Variants in ANKS1B observed in about 807,000 individuals in gnomAD.
The protein encoded by ANKS1B is ankyrin repeat and sterile alpha motif domain-containing protein 1B.
ANKS1B carries 36 observed loss-of-function variants against 148.3 expected under a neutral mutation model. The observed-to-expected ratio is 0.24, with a 90% CI of 0.19 to 0.32. ANKS1B has a LOEUF of 0.32. Ranked by LOEUF, ANKS1B falls within the 10% of genes least tolerant of loss-of-function variation. ANKS1B has a pLI of 1.00. For missense variants in ANKS1B, 1,157 were observed against 1,542.6 expected (o/e 0.75, Z 4.19); for synonymous variants, 542 against 560.8 (o/e 0.97, Z 0.47).
intron 14 of ANKS1B, among the ~76,000 whole-genome samples, chr12:99,186,670 A>G (rs570685197): frequency 8.5e-5 from 13 of 152,306 alleles, no homozygotes; most frequent in Admixed American, 6.5e-4. Flanking sequence ...AAGGAAAACT[A>G]ACAAACAGAA....
chr12:99,634,161 G>A (rs545652679), intron 9 of ANKS1B, among the ~76,000 whole-genome samples: 3 of 152,284 alleles, frequency 2.0e-5, no homozygotes, highest in East Asian at 1.9e-4. Flanking sequence ...TGAGAGAAGA[G>A]GCATTTAAGA....
chr12:99,864,643 A>T lies in ANKS1B; in HGVS notation c.135-39254T>A, dbSNP rs112494257. On this transcript the variant is annotated intron_variant, in intron 1 of 26. Transcript: ENST00000683438. ...AGATAGGACTGGGGTCTGAATTCAG[A>T]TTCTGCAATTGCCAGCTGTCTGATT... Among the ~76,000 whole-genome samples the T allele has an allele frequency of 1.9e-3, 296 of 152,298 alleles. 1 individual carries two copies. Among genetic ancestry groups the T allele is most frequent in the African/African-American group, 6.9e-3 (287 of 41,576 alleles).
At chr12:98,866,182 C>T (rs557301520) in intron 17 of ANKS1B, among the ~76,000 whole-genome samples, 79 of 152,190 alleles carry the variant, frequency 5.2e-4, no homozygotes, top group African/African-American at 1.7e-3. Context: ...CCTTTTTGAG[C>T]GAAGTAGGCC....
At chr12:99,276,159 G>C (rs1173227635) in intron 12 of ANKS1B, among the ~76,000 whole-genome samples, 1 of 152,126 alleles carries the variant, frequency 6.6e-6, no homozygotes, top group African/African-American at 2.4e-5. Flanking sequence ...AAAGGATGAG[G>C]TTTATTACTT....
chr12:99,483,173 C>T (rs2152940678), intron 10 of ANKS1B, among the ~76,000 whole-genome samples: 1 of 151,334 alleles, frequency 6.6e-6, no homozygotes, highest in South Asian at 2.1e-4. Context: ...AGATAGGTCC[C>T]TTCTATGCCT....
chr12:99,151,724 T>C (rs2074980172), intron 15 of ANKS1B, among the ~76,000 whole-genome samples: 3 of 152,200 alleles, frequency 2.0e-5, no homozygotes, highest in African/African-American at 7.2e-5. Flanking sequence ...ATAAATACTT[T>C]AAGTGACTTA....
At chr12:99,930,630 A>C (rs2094589562) in intron 1 of ANKS1B, among the ~76,000 whole-genome samples, 1 of 152,208 alleles carries the variant, frequency 6.6e-6, no homozygotes, top group South Asian at 2.1e-4. Flanking sequence ...ATGCAAATCA[A>C]AACCACAATG....
At chr12:99,726,800 T>G (rs182148878) in intron 8 of ANKS1B, among the ~76,000 whole-genome samples, 7 of 152,318 alleles carry the variant, frequency 4.6e-5, no homozygotes, top group Admixed American at 2.0e-4. Flanking sequence ...CACAATCAAG[T>G]TGACTTCATC....
At chr12:99,485,559 G>A (rs1303280957) in intron 10 of ANKS1B, among the ~76,000 whole-genome samples, 1 of 151,914 alleles carries the variant, frequency 6.6e-6, no homozygotes, top group Non-Finnish European at 1.5e-5. Context: ...GCTAGACCAG[G>A]GAAGTTTTCC....
intron 14 of ANKS1B, among the ~76,000 whole-genome samples, chr12:99,159,339 A>C (rs78277649): frequency 6.6e-6 from 1 of 152,134 alleles, no homozygotes; most frequent in East Asian, 1.9e-4. Flanking sequence ...TACTCAGCAC[A>C]GTACCCAATA....
At chr12:98,866,570 G>A (rs910351471) in intron 17 of ANKS1B, among the ~76,000 whole-genome samples, 4 of 152,230 alleles carry the variant, frequency 2.6e-5, no homozygotes, top group South Asian at 2.1e-4. Flanking sequence ...CATCCTTGAC[G>A]CTTATCCAGA....
In ANKS1B at chr12:99,902,374, C is replaced by T. The variant is rs567681329; in HGVS notation, c.135-76985G>A. Reference sequence around the variant, plus strand: ...GAGAAGGGGGTAAAATAACACAAGACGACATCAGAAAGCTAAACAGAAGCC... The same window carrying T: ...GAGAAGGGGGTAAAATAACACAAGATGACATCAGAAAGCTAAACAGAAGCC... On this transcript the variant is annotated intron_variant, in intron 1 of 26. Coordinates refer to ENST00000683438, the MANE Select transcript of ANKS1B (RefSeq NM_001352186.2). Among the ~76,000 whole-genome samples, 4 of 152,206 alleles carry T rather than the reference C, an allele frequency of 2.6e-5. No individual in the cohort carries two copies. The South Asian group carries it at 8.3e-4, about 32-fold the overall frequency.
intron 8 of ANKS1B, among the ~76,000 whole-genome samples, chr12:99,707,943 A>C (rs1771777092): frequency 6.6e-6 from 1 of 152,130 alleles, no homozygotes; most frequent in Admixed American, 6.6e-5. Context: ...GCTGTGAATC[A>C]CTCACCTGAA....
intron 3 of ANKS1B, among the ~76,000 whole-genome samples, chr12:99,807,646 T>C (rs1308651831): frequency 1.3e-5 from 2 of 152,214 alleles, no homozygotes; most frequent in African/African-American, 2.4e-5. Context: ...GCATTTTATA[T>C]ATGTTTACTC....
intron 17 of ANKS1B, among the ~76,000 whole-genome samples, chr12:98,850,353 A>C (rs2099515949): frequency 6.6e-6 from 1 of 151,968 alleles, no homozygotes; most frequent in African/African-American, 2.4e-5. Context: ...TGCTTTTCCA[A>C]GAGTTCAGTG....
chr12:99,304,866 T>C (rs1364228066), intron 12 of ANKS1B, among the ~76,000 whole-genome samples: 1 of 152,152 alleles, frequency 6.6e-6, no homozygotes, highest in Admixed American at 6.6e-5. Flanking sequence ...TGAGATTCCC[T>C]TGAATTCATA....
chr12:98,779,236 G>T (rs942826406), intron 24 of ANKS1B, among the ~76,000 whole-genome samples: 8 of 152,088 alleles, frequency 5.3e-5, no homozygotes, highest in Non-Finnish European at 1.2e-4. Context: ...CTAATTATTG[G>T]CAATTGAAGT....
chr12:98,913,794 C>T (rs1224186256), intron 17 of ANKS1B, among the ~76,000 whole-genome samples: 2 of 152,088 alleles, frequency 1.3e-5, no homozygotes, highest in Non-Finnish European at 1.5e-5. Flanking sequence ...CCACACCCAT[C>T]TAATTTTTGT....
chr12:99,379,117 T>C (rs893045492), intron 12 of ANKS1B, among the ~76,000 whole-genome samples: 2 of 152,188 alleles, frequency 1.3e-5, no homozygotes, highest in Non-Finnish European at 2.9e-5. Flanking sequence ...CTAACTTAAT[T>C]AGAGAAATAA....
Sources: gnomAD v4.1 joint callset for allele counts (sites outside exome capture counted in the v4.1 genomes callset) on GRCh38, gnomAD v4.1.1 for gene constraint, MANE v1.5 for transcripts, NCBI Gene and HGNC (gene_info 2026-07-23, HGNC 2026-07-21) for gene names.